Variants in ZNF502 observed in about 807,000 individuals in gnomAD.
The protein encoded by ZNF502 is zinc finger protein 502.
A neutral mutation model predicts 43.6 loss-of-function variants in ZNF502; 29 were observed. The ratio of observed to expected loss-of-function variants is 0.67; its 90% CI spans 0.50 to 0.91. The LOEUF (loss-of-function observed/expected upper bound fraction) is 0.91, where lower values mean the gene tolerates loss of function less well. ZNF502 is among the 40% of genes least tolerant of loss of function. ZNF502 has a pLI of 0.00. For synonymous variants in ZNF502, 171 were observed against 207.4 expected, an observed-to-expected ratio of 0.82 and a Z score of 1.51; for missense variants, 591 against 647.2, an observed-to-expected ratio of 0.91 and a Z score of 0.94.
In ZNF502 at chr3:44,721,629, G is replaced by T; in HGVS notation, c.812G>T (p.Arg271Met). 6.2e-7 allele frequency: 1 copy of T among 1,613,890 alleles called. No homozygotes were observed. Among genetic ancestry groups the T allele is most frequent in the Non-Finnish European group, 8.5e-7 (1 of 1,179,958 alleles). The change falls in exon 3 of 3, where the codon AGG (arginine) becomes ATG (methionine). Residue 271 changes from arginine (R) to methionine (M), a missense_variant. Coordinates refer to ENST00000436624, the MANE Select transcript of ZNF502 (RefSeq NM_001134442.3). ...GGAGAGAAACCTTATAAATGCAATA[G>T]GTGTGGGAAGGCATTCAATCAGAAT... is the stretch of plus-strand genomic sequence containing the variant. The part of the protein sequence containing the change: ...HTGEKPYKCN[R>M]CGKAFNQNTH...
In ZNF502 at chr3:44,722,614, G is replaced by A; in HGVS notation, c.*162G>A. On this transcript the variant is annotated 3_prime_UTR_variant, in exon 3 of 3. Coordinates refer to ENST00000436624, the MANE Select transcript of ZNF502 (RefSeq NM_001134442.3). Reference sequence around the variant, plus strand: ...AAATGGAGGTGGGAGCTTAGGGAATGCAGAGCCTACTTGAGGTGGGCATCT... The same window carrying A: ...AAATGGAGGTGGGAGCTTAGGGAATACAGAGCCTACTTGAGGTGGGCATCT... The A allele has an allele frequency of 2.2e-6, 2 of 928,838 alleles. No individual in the cohort carries two copies. Among genetic ancestry groups the A allele is most frequent in the South Asian group, 1.9e-5 (1 of 53,904 alleles). The allele number at this position is 928,838 out of a possible 1,614,324, so 57.5% of individuals were successfully genotyped here.
At chr3:44,719,301 A>G (rs987401379) in intron 1 of ZNF502, among the ~76,000 whole-genome samples, 16 of 152,210 alleles carry the variant, frequency 1.1e-4, no homozygotes, top group African/African-American at 3.4e-4. Context: ...TTAAAACTCA[A>G]TGCAGAAGCA....
At chr3:44,719,146 G>A (rs994535119) in intron 1 of ZNF502, among the ~76,000 whole-genome samples, 3 of 151,982 alleles carry the variant, frequency 2.0e-5, no homozygotes, top group Non-Finnish European at 4.4e-5. Context: ...ACTAATTTTT[G>A]TATTCTTATA....
chr3:44,722,361 G>A lies in ZNF502; in HGVS notation c.1544G>A (p.Gly515Asp). The A allele has an allele frequency of 6.2e-7, 1 of 1,614,252 alleles. No homozygotes were observed. The highest frequency in any genetic ancestry group is 8.5e-7 in the Non-Finnish European group (1 of 1,180,046). Residue 515 changes from glycine (G) to aspartate (D), a missense_variant, in exon 3 of 3, where the codon GGT becomes GAT. Gly to Asp is a moderately conservative substitution (Grantham distance 94). Transcript: ENST00000436624. ...AGTGAACATTACAGAATTCACACTG[G>A]TGAGAAGCCTTATGAGTGTATTGAG... ...HLSEHYRIHTGEKPYECIECG... is the reference protein window; with the variant it reads ...HLSEHYRIHTDEKPYECIECG...
chr3:44,713,124 T>G (rs1704063777), intron 1 of ZNF502, among the ~76,000 whole-genome samples: 1 of 152,202 alleles, frequency 6.6e-6, no homozygotes, highest in Admixed American at 6.5e-5. Context: ...GAAACTTGTT[T>G]AGAGCCTGTT....
chr3:44,717,153 C>T (rs181916144), intron 1 of ZNF502, among the ~76,000 whole-genome samples: 1 of 151,984 alleles, frequency 6.6e-6, no homozygotes, highest in African/African-American at 2.4e-5. Context: ...TTATTTAACC[C>T]TTTAATTGGT....
chr3:44,722,298 G>A lies in ZNF502; in HGVS notation c.1481G>A (p.Ser494Asn), dbSNP rs1704378330. The change falls in exon 3 of 3, where the codon AGT (serine) becomes AAT (asparagine). Residue 494 changes from serine to asparagine, a missense_variant. Coordinates refer to ENST00000436624, the MANE Select transcript of ZNF502 (RefSeq NM_001134442.3). ...THTGEKLYKC[S>N]ECEKTFRKYA... ...ACTGGTGAGAAGCTCTATAAATGTA[G>A]TGAGTGTGAGAAAACCTTCCGCAAG... 1.2e-6 allele frequency: 2 copies of A among 1,613,966 alleles called. No homozygotes were observed. The highest frequency in any genetic ancestry group is 1.7e-6 in the Non-Finnish European group (2 of 1,179,996).
rs746916887 is a variant in ZNF502 at position 44,721,115 on chromosome 3, C to A, written c.298C>A (p.Gln100Lys). The change falls in exon 3 of 3, where the codon CAA becomes AAA. Residue 100 changes from glutamine to lysine, a missense_variant. Physicochemically the swap from Gln to Lys is moderately conservative, Grantham distance 53 (BLOSUM62 1). Transcript: ENST00000436624. ...AGAAGCACCCCCTGAAATTATTAGTCAAGGATATAATTTTGAGAAAAGCTT... is the reference window on the plus strand; with the variant it reads ...AGAAGCACCCCCTGAAATTATTAGTAAAGGATATAATTTTGAGAAAAGCTT... The part of the protein sequence containing the change: ...HKEAPPEIIS[Q>K]GYNFEKSLLL... The A allele has an allele frequency of 5.0e-6, 8 of 1,613,994 alleles. No homozygotes were observed. The highest frequency in any genetic ancestry group is 5.1e-6 in the Non-Finnish European group (6 of 1,180,016).
Position 44,723,322 on chromosome 3 carries a change from T to A in ZNF502, c.*870T>A, listed in dbSNP as rs1704418178. 6.6e-6 allele frequency: 1 copy of A among 152,234 alleles called. No individual in the cohort carries two copies. The highest frequency in any genetic ancestry group is 1.5e-5 in the Non-Finnish European group (1 of 68,046). 9.4% of individuals were successfully genotyped at this position (152,234 alleles called of 1,614,324 possible). ...GGAAGCCTGCATGTGACTGAGCAAG[T>A]CACCTACATAACCCTGCCTGTACTA... On this transcript the variant is annotated 3_prime_UTR_variant, in exon 3 of 3. Coordinates refer to ENST00000436624, the MANE Select transcript of ZNF502 (RefSeq NM_001134442.3).
chr3:44,715,001 GT>G (rs1482253511), intron 1 of ZNF502, among the ~76,000 whole-genome samples: 2 of 152,178 alleles, frequency 1.3e-5, no homozygotes, highest in African/African-American at 4.8e-5. Flanking sequence ...TTGTTTCTGG[GT>G]TTTTAAAAAG....
At chr3:44,716,704 G>A (rs1704155763) in intron 1 of ZNF502, among the ~76,000 whole-genome samples, 2 of 152,176 alleles carry the variant, frequency 1.3e-5, no homozygotes, top group South Asian at 4.1e-4. Flanking sequence ...CGGTATGTGA[G>A]AAACTCCCTG....
intron 1 of ZNF502, among the ~76,000 whole-genome samples, chr3:44,717,498 G>A (rs543048223): frequency 3.1e-4 from 40 of 130,502 alleles, no homozygotes; most frequent in Non-Finnish European, 5.7e-4. Context: ...CACAACCTCC[G>A]CCTCCCGGGT....
In ZNF502 at chr3:44,722,626, T is replaced by C; in HGVS notation, c.*174T>C. ...GAGCTTAGGGAATGCAGAGCCTACTTGAGGTGGGCATCTGGGAATACAGGG... is the reference window on the plus strand; with the variant it reads ...GAGCTTAGGGAATGCAGAGCCTACTCGAGGTGGGCATCTGGGAATACAGGG... On this transcript the variant is annotated 3_prime_UTR_variant, in exon 3 of 3. Coordinates refer to ENST00000436624, the MANE Select transcript of ZNF502 (RefSeq NM_001134442.3). 1.3e-6 allele frequency: 1 copy of C among 780,542 alleles called. No individual in the cohort carries two copies. The highest frequency in any genetic ancestry group is 1.9e-5 in the African/African-American group (1 of 54,004). 48.4% of individuals were successfully genotyped at this position (780,542 alleles called of 1,614,324 possible).
intron 1 of ZNF502, 118 bp from the exon 2 acceptor site, chr3:44,720,085 T>C: frequency 1.5e-6 from 1 of 679,154 alleles, no homozygotes. Flanking sequence ...ATTGTTATCC[T>C]GAGAGTTATT....
At chr3:44,720,062 C>T (rs949802510) in intron 1 of ZNF502, 141 bp from the exon 2 acceptor site, 28 of 606,036 alleles carry the variant, frequency 4.6e-5, no homozygotes, top group Non-Finnish European at 7.0e-5. Flanking sequence ...CTGATTTTTG[C>T]GGATGCTTCC....
chr3:44,721,007 A>G lies in ZNF502; in HGVS notation c.190A>G (p.Met64Val), dbSNP rs769880561. The G allele has an allele frequency of 3.7e-6, 6 of 1,614,088 alleles. No homozygotes were observed. The African/African-American group carries it at 5.3e-5, about 14-fold the overall frequency. Residue 64 changes from methionine (M) to valine (V), a missense_variant, in exon 3 of 3, where the codon ATG becomes GTG. By Grantham distance (21) the Met-to-Val change is conservative. Transcript: ENST00000436624. ...TGAAGAAAAATATGCATGTGAGGGC[A>G]TGAAGGAAAACTCTCCTAGGGAGAT... ...TFEEKYACEGMKENSPREIAE... is the reference protein window; with the variant it reads ...TFEEKYACEGVKENSPREIAE...
In ZNF502 at chr3:44,722,381, A is replaced by T; in HGVS notation, c.1564A>T (p.Ile522Phe). Residue 522 changes from isoleucine (I) to phenylalanine (F), a missense_variant, in exon 3 of 3, where the codon ATT becomes TTT. Physicochemically the swap from Ile to Phe is conservative, Grantham distance 21. Coordinates refer to ENST00000436624, the MANE Select transcript of ZNF502 (RefSeq NM_001134442.3). ...CACTGGTGAGAAGCCTTATGAGTGT[A>T]TTGAGTGTGGAAAGTTCTTCAGACA... ...IHTGEKPYEC[I>F]ECGKFFRHSS... 1.2e-6 allele frequency: 2 copies of T among 1,614,244 alleles called. No homozygotes were observed. The highest frequency in any genetic ancestry group is 1.7e-6 in the Non-Finnish European group (2 of 1,180,040).
At position 44,721,874 on chromosome 3, in the gene ZNF502, T is replaced by A; in HGVS notation, c.1057T>A (p.Cys353Ser). 6.2e-7 allele frequency: 1 copy of A among 1,613,960 alleles called. No homozygotes were observed. Among genetic ancestry groups the A allele is most frequent in the Non-Finnish European group, 8.5e-7 (1 of 1,179,942 alleles). The change falls in exon 3 of 3, where the codon TGT becomes AGT. Residue 353 changes from cysteine (C) to serine (S), a missense_variant. Physicochemically the swap from Cys to Ser is moderately radical, Grantham distance 112 (BLOSUM62 -1). Transcript: ENST00000436624. Reference protein sequence around the residue: ...RIHSGEKPYKCKECGKAFCQS... With the variant: ...RIHSGEKPYKSKECGKAFCQS... ...TCATAGTGGAGAGAAACCCTATAAA[T>A]GTAAAGAATGTGGCAAAGCCTTTTG...
At chr3:44,719,761 A>G (rs903476113) in intron 1 of ZNF502, among the ~76,000 whole-genome samples, 1 of 152,248 alleles carries the variant, frequency 6.6e-6, no homozygotes, top group African/African-American at 2.4e-5. Context: ...GGCATTTGGT[A>G]GAAGTGGGTA....
Sources: gnomAD v4.1 joint callset for allele counts (sites outside exome capture counted in the v4.1 genomes callset) on GRCh38, gnomAD v4.1.1 for gene constraint, MANE v1.5 for transcripts, NCBI Gene and HGNC (gene_info 2026-07-23, HGNC 2026-07-21) for gene names.